COPG2: variants seen among roughly 807,000 people sequenced by gnomAD.
COPG2 encodes the protein coatomer subunit gamma-2.
In COPG2, 37 loss-of-function variants were observed where a neutral mutation model predicts 46.3. The observed-to-expected ratio is 0.80, with a 90% confidence interval of 0.61 to 1.05. The LOEUF (loss-of-function observed/expected upper bound fraction) is 1.05. Among genes scored for constraint, COPG2 ranks in the 50% least tolerant of loss-of-function variants. The probability of loss-of-function intolerance (pLI) is 0.00; values close to 1 mark genes in which losing one functional copy is unlikely to be tolerated. For missense variants in COPG2, 427 were observed against 387.8 expected (o/e 1.10, Z -0.85); for synonymous variants, 159 against 129.7 (o/e 1.23, Z -1.53).
chr7:130,580,462 A>G (rs1584981912), intron 9 of COPG2, among the ~76,000 whole-genome samples: 1 of 44,186 alleles, frequency 2.3e-5, no homozygotes, highest in African/African-American at 4.2e-5. Flanking sequence ...AAACACATTC[A>G]AAAGCTAGCA....
intron 5 of COPG2, among the ~76,000 whole-genome samples, chr7:130,629,507 G>T (rs1795187147): frequency 6.6e-6 from 1 of 150,870 alleles, no homozygotes; most frequent in Non-Finnish European, 1.5e-5. Flanking sequence ...CAATTCTCCT[G>T]CCTCAGCCTC....
chr7:130,528,452 G>A (rs985678505), intron 20 of COPG2, among the ~76,000 whole-genome samples: 5 of 151,976 alleles, frequency 3.3e-5, no homozygotes, highest in Non-Finnish European at 5.9e-5. Flanking sequence ...AGTGCAGTAC[G>A]TGTGATGCAG....
At chr7:130,569,890 G>A (rs1793866920) in intron 9 of COPG2, among the ~76,000 whole-genome samples, 1 of 152,164 alleles carries the variant, frequency 6.6e-6, no homozygotes, top group Non-Finnish European at 1.5e-5. Context: ...GTGATGCAGG[G>A]ATGGTTTAAC....
chr7:130,614,429 TAAG>T (rs1289885791), intron 6 of COPG2, among the ~76,000 whole-genome samples: 1 of 152,168 alleles, frequency 6.6e-6, no homozygotes, highest in African/African-American at 2.4e-5. Flanking sequence ...CTTTACAACT[TAAG>T]AAGGTTACAA....
intron 20 of COPG2, among the ~76,000 whole-genome samples, chr7:130,525,880 G>A (rs1322192557): frequency 1.3e-5 from 2 of 151,922 alleles, no homozygotes; most frequent in African/African-American, 2.4e-5. Flanking sequence ...CAGAGAGTGG[G>A]ACCTATGTAA....
At chr7:130,627,570 C>T (rs1489017823) in intron 5 of COPG2, among the ~76,000 whole-genome samples, 3 of 152,196 alleles carry the variant, frequency 2.0e-5, no homozygotes, top group South Asian at 4.1e-4. Context: ...TTAAAGAATC[C>T]GTCTTTCTTT....
chr7:130,657,295 G>C (rs1292258283), intron 4 of COPG2, among the ~76,000 whole-genome samples: 2 of 151,970 alleles, frequency 1.3e-5, no homozygotes, highest in Non-Finnish European at 2.9e-5. Context: ...TTGAGAAAAT[G>C]AAGAAGGAAG....
intron 5 of COPG2, among the ~76,000 whole-genome samples, chr7:130,646,913 G>C (rs1329858349): frequency 9.4e-6 from 1 of 106,630 alleles, no homozygotes; most frequent in Non-Finnish European, 2.2e-5. Context: ...GTCTCGGATA[G>C]TGTGTGTTTG....
chr7:130,545,164 A>G (rs986879152), intron 20 of COPG2, among the ~76,000 whole-genome samples: 1 of 118,640 alleles, frequency 8.4e-6, no homozygotes, highest in African/African-American at 2.9e-5. Flanking sequence ...GAAGCAACTT[A>G]CCTATTATTT....
intron 9 of COPG2, chr7:130,605,099 C>T (rs1490916899): frequency 1.9e-5 from 9 of 472,254 alleles, no homozygotes; most frequent in South Asian, 3.3e-5. Flanking sequence ...ATGTGTTAGG[C>T]CACTTGATCT....
At chr7:130,577,872 T>C (rs1280590433) in intron 9 of COPG2, among the ~76,000 whole-genome samples, 1 of 150,722 alleles carries the variant, frequency 6.6e-6, no homozygotes, top group East Asian at 1.9e-4. Flanking sequence ...CGCTGATTGC[T>C]AGCACAGCAG....
intron 1 of COPG2, among the ~76,000 whole-genome samples, chr7:130,668,203 T>C (rs1402641384): frequency 2.0e-5 from 3 of 152,192 alleles, no homozygotes; most frequent in African/African-American, 7.2e-5. Flanking sequence ...ACCAGGCACC[T>C]GAACGTTCCT....
At chr7:130,508,443 A>G (rs1554440524) in intron 21 of COPG2, 119 bp downstream of exon 21, 1 of 626,608 alleles carries the variant, frequency 1.6e-6, no homozygotes, top group Non-Finnish European at 2.9e-6. Flanking sequence ...CATCTGTTTC[A>G]GAAGAATAGA....
In COPG2 at chr7:130,652,956, A is replaced by C; in HGVS notation, c.244-8T>G. ...CATTCTCCTCAATGTTTGCTGAAAA[A>C]TCATTTATAAAAGGTAACAGATTAT... is the stretch of plus-strand genomic sequence containing the variant. On this transcript the variant is annotated splice_region_variant and splice_polypyrimidine_tract_variant and intron_variant, in intron 4 of 23. Transcript: ENST00000425248. The C allele has an allele frequency of 1.3e-6, 2 of 1,573,114 alleles. No homozygotes were observed. Among genetic ancestry groups the C allele is most frequent in the Non-Finnish European group, 1.7e-6 (2 of 1,150,058 alleles).
At chr7:130,610,881 A>G (rs1563058670) in intron 9 of COPG2, 72 bp downstream of exon 9, 1 of 1,523,772 alleles carries the variant, frequency 6.6e-7, no homozygotes, top group Middle Eastern at 1.7e-4. Flanking sequence ...AAAAATTCAA[A>G]AAGGAAATAA....
chr7:130,514,943 G>A (rs1799667266), intron 20 of COPG2, among the ~76,000 whole-genome samples: 1 of 152,172 alleles, frequency 6.6e-6, no homozygotes, highest in Non-Finnish European at 1.5e-5. Context: ...ATATGGGAGA[G>A]AAGGAAAGAC....
chr7:130,584,223 C>T (rs917729477), intron 9 of COPG2, among the ~76,000 whole-genome samples: 54 of 152,056 alleles, frequency 3.6e-4, no homozygotes, highest in African/African-American at 1.2e-3. Flanking sequence ...ATGATCATCG[C>T]AATAGATGCA....
At chr7:130,617,393 A>C (rs1794968860) in intron 5 of COPG2, among the ~76,000 whole-genome samples, 1 of 152,244 alleles carries the variant, frequency 6.6e-6, no homozygotes, top group Non-Finnish European at 1.5e-5. Context: ...CATAAAAGAT[A>C]AACTAAGGAC....
intron 4 of COPG2, among the ~76,000 whole-genome samples, chr7:130,662,077 C>A (rs1279141162): frequency 6.6e-6 from 1 of 152,092 alleles, no homozygotes; most frequent in Non-Finnish European, 1.5e-5. Flanking sequence ...AGCCAAGTAC[C>A]CCGAACTCCT....
Sources: allele counts gnomAD v4.1 joint callset (sites outside exome capture counted in the v4.1 genomes callset), GRCh38; gene constraint gnomAD v4.1.1; transcripts MANE v1.5; gene names NCBI Gene and HGNC (gene_info 2026-07-23, HGNC 2026-07-21).